SPTBN2: variants seen among roughly 807,000 people sequenced by gnomAD.
SPTBN2 encodes spectrin beta, non-erythrocytic 2, also known as spectrin beta chain, non-erythrocytic 2.
Under a neutral mutation model 284.2 loss-of-function variants are expected in SPTBN2, and 107 were observed. The observed-to-expected ratio is 0.38, with a 90% CI of 0.32 to 0.44. The LOEUF (loss-of-function observed/expected upper bound fraction) is 0.44, where lower values mean the gene tolerates loss of function less well. Ranked by LOEUF, SPTBN2 falls within the 20% of genes least tolerant of loss-of-function variation. The pLI, the probability that SPTBN2 is intolerant of heterozygous loss-of-function variation, is 1.00. For synonymous variants in SPTBN2, 1,289 were observed against 1,354.8 expected (o/e 0.95, Z 1.07); for missense variants, 2,569 against 3,287.1 (o/e 0.78, Z 5.34).
At position 66,696,427 on chromosome 11, in the gene SPTBN2, G is replaced by A. The variant is rs754959979; in HGVS notation, c.4128C>T (p.Ala1376=). The change falls in exon 21 of 38, where the codon GCC becomes GCT. Residue 1376 remains alanine, a synonymous_variant. Transcript: ENST00000533211. ...CTCGGTTGGCATCAAAGAGGCTGCG[G>A]GCCTTGGCTTGGGTGGTGGTCTCCA... ...DELETTTQAK[A]RSLFDANRAE... The A allele has an allele frequency of 1.4e-5, 22 of 1,613,148 alleles. No homozygotes were observed. In the South Asian group the frequency reaches 2.2e-4, roughly 16 times the overall value.
intron 32 of SPTBN2, 40 bp from the exon 33 acceptor site, chr11:66,688,119 G>A (rs373294533): frequency 4.3e-6 from 7 of 1,613,672 alleles, no homozygotes; most frequent in Non-Finnish European, 5.1e-6. Flanking sequence ...TTAGTCCCTG[G>A]GTGGCCTGGG....
Position 66,721,151 on chromosome 11 carries a change from G to C in SPTBN2, c.90C>G (p.Asp30Glu). ...AGCTGCTGTCATTGTCCCAGTCCGA[G>C]TCAGGAAGGTCCCAGCGGTTGTTGA... ...SDINNRWDLP[D>E]SDWDNDSSSA... The change falls in exon 3 of 38, where the codon GAC becomes GAG. Residue 30 changes from aspartate to glutamate, a missense_variant. Coordinates refer to ENST00000533211, the MANE Select transcript of SPTBN2 (RefSeq NM_006946.4). The C allele has an allele frequency of 6.2e-7, 1 of 1,614,174 alleles. No individual in the cohort carries two copies. Among genetic ancestry groups the C allele is most frequent in the African/African-American group, 1.3e-5 (1 of 75,036 alleles).
At position 66,687,951 on chromosome 11, in the gene SPTBN2, G is replaced by A. The variant is rs369118087; in HGVS notation, c.6451-33C>T. The A allele has an allele frequency of 1.1e-4, 172 of 1,614,176 alleles. 2 individuals are homozygous for A. In the Middle Eastern group the frequency reaches 2.6e-3, roughly 25 times the overall value. ...GACAAGAATCTGTAAAAGGATGTGC[G>A]GGGGTGGAGGGGCTACGACTCCGAT... is the stretch of plus-strand genomic sequence containing the variant. On this transcript the variant is annotated intron_variant, in intron 33 of 37. Transcript: ENST00000533211. This position sits in a 1 kb window ranked among gnomAD's most constrained non-coding sequence, Gnocchi z 5.2.
At position 66,727,212 on chromosome 11, in the gene SPTBN2, C is replaced by T. The variant is rs2276164; in HGVS notation, c.-114+1529G>A. ...CCTTTCTGAATAAGCCAAGAGGTTGCCCCACACCTCAAGCTAAGACACATA... is the reference window on the plus strand; with the variant it reads ...CCTTTCTGAATAAGCCAAGAGGTTGTCCCACACCTCAAGCTAAGACACATA... On this transcript the variant is annotated intron_variant, in intron 1 of 37. Transcript: ENST00000533211. Among the ~76,000 whole-genome samples, 179 of 152,286 alleles carry T rather than the reference C, an allele frequency of 1.2e-3. 1 individual carries two copies. The East Asian group carries it at 0.025, about 21-fold the overall frequency.
In SPTBN2 at chr11:66,688,096, C is replaced by T. The variant is rs1267034549; in HGVS notation, c.6375-17G>A. 1 of 1,613,970 alleles carries T rather than the reference C, an allele frequency of 6.2e-7. No individual in the cohort carries two copies. The highest frequency in any genetic ancestry group is 1.1e-5 in the South Asian group (1 of 91,086). On this transcript the variant is annotated splice_polypyrimidine_tract_variant and intron_variant, in intron 32 of 37. Transcript: ENST00000533211. ...GGCTGGGTTCTGGGATGACCAAAGG[C>T]AACACAGAATCATTAGTCCCTGGGT...
rs1172867416 is a variant in SPTBN2 at position 66,684,255 on chromosome 11, A to G, written c.*1616T>C. Among the ~76,000 whole-genome samples the G allele has an allele frequency of 6.6e-6, 1 of 152,190 alleles. No individual in the cohort carries two copies. The highest frequency in any genetic ancestry group is 2.4e-5 in the African/African-American group (1 of 41,444). On this transcript the variant is annotated 3_prime_UTR_variant, in exon 38 of 38. Coordinates refer to ENST00000533211, the MANE Select transcript of SPTBN2 (RefSeq NM_006946.4). ...TGCCCACTTCCATCAACATCTGGAG[A>G]CAAACACTGTGCCCTGAAAGCTCCG...
In SPTBN2 at chr11:66,698,771, G is replaced by C. The variant is rs1282021622; in HGVS notation, c.3882C>G (p.Ile1294Met). The C allele has an allele frequency of 1.2e-6, 2 of 1,613,642 alleles. No homozygotes were observed. Among genetic ancestry groups the C allele is most frequent in the African/African-American group, 1.3e-5 (1 of 74,928 alleles). Residue 1294 changes from isoleucine to methionine, a missense_variant, in exon 20 of 38, where the codon ATC becomes ATG. This residue lies in a region of SPTBN2 where 24 missense variants were observed against 58.1 expected (regional missense o/e 0.41). Coordinates refer to ENST00000533211, the MANE Select transcript of SPTBN2 (RefSeq NM_006946.4). The stretch of plus-strand genomic sequence containing the variant: ...CCTGGGCTGTCAGCATCTTCTCGTC[G>C]ATCCAGAGCTTCAGCTGGACCAAAC... ...LQDCHELKLW[I>M]DEKMLTAQDV...
At position 66,715,202 on chromosome 11, in the gene SPTBN2, G is replaced by A. The variant is rs761666507; in HGVS notation, c.483+20C>T. On this transcript the variant is annotated intron_variant, in intron 5 of 37. Transcript: ENST00000533211. This position sits in a 1 kb window ranked among gnomAD's most constrained non-coding sequence, Gnocchi z 5.3. ...AGCCAGGGCAGGAACCACACCCTGT[G>A]TGACAGTGTGCTGGGGTACCTGGAA... 6.8e-6 allele frequency: 11 copies of A among 1,614,078 alleles called. No individual in the cohort carries two copies. The highest frequency in any genetic ancestry group is 9.3e-6 in the Non-Finnish European group (11 of 1,180,012).
rs753970624 is a variant in SPTBN2 at position 66,691,496 on chromosome 11, C to G, written c.5353G>C (p.Asp1785His). The change falls in exon 27 of 38, where the codon GAC (aspartate) becomes CAC (histidine). Residue 1785 changes from aspartate to histidine, a missense_variant. Transcript: ENST00000533211. This position sits in a 1 kb window ranked among gnomAD's most constrained non-coding sequence, Gnocchi z 8.0. ...WKDSLNEAWA[D>H]LLELLDTRGQ... The stretch of plus-strand genomic sequence containing the variant: ...CGTGTGTCCAGCAGCTCAAGCAGGT[C>G]AGCCCAGGCCTCGTTGAGACTGTCC... 1 of 1,612,114 alleles carries G rather than the reference C, an allele frequency of 6.2e-7. No individual in the cohort carries two copies. Among genetic ancestry groups the G allele is most frequent in the Non-Finnish European group, 8.5e-7 (1 of 1,180,026 alleles).
intron 1 of SPTBN2, among the ~76,000 whole-genome samples, chr11:66,743,519 T>C (rs1942918017): frequency 1.3e-5 from 2 of 152,168 alleles, no homozygotes; most frequent in African/African-American, 4.8e-5. Flanking sequence ...GGCAGGAATC[T>C]CTCATCAGGG....
intron 29 of SPTBN2, 87 bp downstream of exon 29, chr11:66,689,718 G>A (rs1940403824): frequency 3.1e-5 from 49 of 1,584,164 alleles, no homozygotes; most frequent in Non-Finnish European, 4.1e-5. Context: ...CTTGCAAAGA[G>A]AGAATGAGAG....
At chr11:66,729,958 T>C (rs755024611), upstream of SPTBN2, among the ~76,000 whole-genome samples, 1 of 152,006 alleles carries the variant, frequency 6.6e-6, no homozygotes, top group Non-Finnish European at 1.5e-5. Flanking sequence ...CATGCCACCA[T>C]GCCCGACTAA....
chr11:66,720,292 G>T (rs1195879306), intron 3 of SPTBN2, among the ~76,000 whole-genome samples: 1 of 152,196 alleles, frequency 6.6e-6, no homozygotes, highest in African/African-American at 2.4e-5. Flanking sequence ...CAGCCAGCAG[G>T]TCAATGGCAA....
Position 66,689,860 on chromosome 11 carries a change from G to A in SPTBN2, c.5894C>T (p.Ser1965Phe), listed in dbSNP as rs1021267778. 1 of 1,614,144 alleles carries A rather than the reference G, an allele frequency of 6.2e-7. No individual in the cohort carries two copies. Among genetic ancestry groups the A allele is most frequent in the East Asian group, 2.2e-5 (1 of 44,876 alleles). ...EIEARADRFSSCIDMGKELLA... is the reference protein window; with the variant it reads ...EIEARADRFSFCIDMGKELLA... ...CAGCTCCTTCCCCATGTCGATGCAG[G>A]AGGAGAAGCGGTCTGCCCGGGCCTC... Residue 1965 changes from serine (S) to phenylalanine (F), a missense_variant, in exon 29 of 38, where the codon TCC (serine) becomes TTC (phenylalanine). This residue lies in a region of SPTBN2 where 1,130 missense variants were observed against 1,317.3 expected (regional missense o/e 0.86). Coordinates refer to ENST00000533211, the MANE Select transcript of SPTBN2 (RefSeq NM_006946.4).
At chr11:66,689,987 A>G in intron 28 of SPTBN2, 44 bp from the exon 29 acceptor site, 5 of 1,614,138 alleles carry the variant, frequency 3.1e-6, no homozygotes, top group South Asian at 1.1e-5. Context: ...CCACAGCCCC[A>G]TCACAGCCCA....
At chr11:66,711,297 G>A (rs1260130857) in intron 8 of SPTBN2, among the ~76,000 whole-genome samples, 3 of 152,228 alleles carry the variant, frequency 2.0e-5, no homozygotes, top group Admixed American at 6.5e-5. Flanking sequence ...TCCCCGTGGA[G>A]ACCAAAATCA....
chr11:66,711,852 A>G (rs1941879792), intron 8 of SPTBN2, among the ~76,000 whole-genome samples: 1 of 152,232 alleles, frequency 6.6e-6, no homozygotes, highest in Non-Finnish European at 1.5e-5. Context: ...CATGAAGCCT[A>G]TGTCTGTTGC....
Position 66,691,288 on chromosome 11 carries a change from G to A in SPTBN2, c.5561C>T (p.Pro1854Leu). ...CTCCTCATGCTTGGGTCAGACCTGG[G>A]GGCTGAGGGCCTGAATGTCATGCTC... is the stretch of plus-strand genomic sequence containing the variant. ...AYEHDIQALS[P>L]QVQQVQDDGH... The change falls in exon 27 of 38, where the codon CCC becomes CTC. Residue 1854 changes from proline to leucine, a missense_variant. By Grantham distance (98) the Pro-to-Leu change is moderately conservative. Transcript: ENST00000533211. The surrounding 1 kb of genome is among the most constrained non-coding windows in gnomAD (Gnocchi z 8.0). 1 of 1,530,612 alleles carries A rather than the reference G, an allele frequency of 6.5e-7. No homozygotes were observed. Among genetic ancestry groups the A allele is most frequent in the Non-Finnish European group, 8.8e-7 (1 of 1,135,918 alleles). 94.8% of individuals were successfully genotyped at this position (1,530,612 alleles called of 1,614,324 possible).
At position 66,687,648 on chromosome 11, in the gene SPTBN2, C is replaced by CT. The variant is rs1940219255; in HGVS notation, c.6502-2dup. On this transcript the variant is annotated splice_acceptor_variant, in intron 34 of 37. Coordinates refer to ENST00000533211, the MANE Select transcript of SPTBN2 (RefSeq NM_006946.4). LOFTEE classifies it high-confidence loss of function. This position sits in a 1 kb window ranked among gnomAD's most constrained non-coding sequence, Gnocchi z 5.2. Reference sequence around the variant, plus strand: ...TGGCTTCGTCCCCTGAGCCAGGTCCCTGGGGGGGAATCAGTGTCAGTGTCA... The same window carrying CT: ...TGGCTTCGTCCCCTGAGCCAGGTCCCTTGGGGGGGAATCAGTGTCAGTGTCA... The CT allele has an allele frequency of 1.1e-5, 18 of 1,591,554 alleles. No individual in the cohort carries two copies. Among genetic ancestry groups the CT allele is most frequent in the Non-Finnish European group, 1.5e-5 (17 of 1,169,054 alleles).
Sources: gnomAD v4.1 joint callset for allele counts (sites outside exome capture counted in the v4.1 genomes callset) on GRCh38, gnomAD v4.1.1 for gene constraint, gnomAD v4.1.1 regional missense constraint, Gnocchi (gnomAD v3.1) non-coding constraint, MANE v1.5 for transcripts, NCBI Gene and HGNC (gene_info 2026-07-23, HGNC 2026-07-21) for gene names.